The following MIA3 variants were observed in gnomAD, a reference collection of about 807,000 sequenced individuals.
MIA3 encodes transport and Golgi organization protein 1 homolog.
In MIA3, 90 loss-of-function variants were observed where a neutral mutation model predicts 192.4. The observed-to-expected ratio is 0.47, with a 90% CI of 0.39 to 0.56. MIA3 has a LOEUF of 0.56. MIA3 is among the 20% of genes least tolerant of loss of function. The pLI is 0.00. For synonymous variants in MIA3, 740 were observed against 792.8 expected (o/e 0.93, Z 1.12); for missense variants, 2,123 against 2,269.4 (o/e 0.94, Z 1.31).
chr1:222,651,708 C>T (rs376789244), intron 11 of MIA3, among the ~76,000 whole-genome samples: 31 of 150,142 alleles, frequency 2.1e-4, no homozygotes, highest in Middle Eastern at 3.5e-3. Flanking sequence ...AGTTTCTTTT[C>T]TTTCACCTTT....
rs1374537066 is a variant in MIA3 at position 222,628,377 on chromosome 1, C to A, written c.1157C>A (p.Thr386Asn). Reference sequence around the variant, plus strand: ...AATATACTAACAACCTGGGGGGACACTATCTTCTCTATTGTCACAGGAGGT... The same window carrying A: ...AATATACTAACAACCTGGGGGGACAATATCTTCTCTATTGTCACAGGAGGT... ...DKNILTTWGDTIFSIVTGGEE... is the reference protein window; with the variant it reads ...DKNILTTWGDNIFSIVTGGEE... The change falls in exon 4 of 28, where the codon ACT becomes AAT. Residue 386 changes from threonine (T) to asparagine (N), a missense_variant. Physicochemically the swap from Thr to Asn is moderately conservative, Grantham distance 65 (BLOSUM62 0). Transcript: ENST00000344922. 1.2e-6 allele frequency: 2 copies of A among 1,614,032 alleles called. No homozygotes were observed. Among genetic ancestry groups the A allele is most frequent in the Non-Finnish European group, 1.7e-6 (2 of 1,179,986 alleles).
rs1663363189 is a variant in MIA3 at position 222,650,370 on chromosome 1, A to G, written c.3710A>G (p.Tyr1237Cys). Residue 1237 changes from tyrosine (Y) to cysteine (C), a missense_variant, in exon 9 of 28, where the codon TAT (tyrosine) becomes TGT (cysteine). Coordinates refer to ENST00000344922, the MANE Select transcript of MIA3 (RefSeq NM_198551.4). ...NTELVQKLSN[Y>C]EQKIKESKKH... The stretch of plus-strand genomic sequence containing the variant: ...GAACTTGTACAAAAATTGTCAAATT[A>G]TGAACAGAAGGTATGATTATTCTTT... The G allele has an allele frequency of 6.5e-7, 1 of 1,542,472 alleles. No homozygotes were observed. Among genetic ancestry groups the G allele is most frequent in the Non-Finnish European group, 8.9e-7 (1 of 1,119,206 alleles).
At position 222,628,023 on chromosome 1, in the gene MIA3, A is replaced by G; in HGVS notation, c.803A>G (p.Lys268Arg). 1 of 1,614,184 alleles carries G rather than the reference A, an allele frequency of 6.2e-7. No individual in the cohort carries two copies. The change falls in exon 4 of 28, where the codon AAA becomes AGA. Residue 268 changes from lysine to arginine, a missense_variant. Transcript: ENST00000344922. ...QDKIDAYKLL[K>R]KEMTLDLKTK... Reference sequence around the variant, plus strand: ...AAGATTGATGCCTATAAACTTTTGAAAAAAGAAATGACTCTAGACTTGAAA... The same window carrying G: ...AAGATTGATGCCTATAAACTTTTGAGAAAAGAAATGACTCTAGACTTGAAA...
Position 222,628,184 on chromosome 1 carries a change from C to A in MIA3, c.964C>A (p.Gln322Lys). 6.2e-7 allele frequency: 1 copy of A among 1,613,978 alleles called. No homozygotes were observed. The change falls in exon 4 of 28, where the codon CAA becomes AAA. Residue 322 changes from glutamine to lysine, a missense_variant. Transcript: ENST00000344922. The part of the protein sequence containing the change: ...YAVGKEDEEN[Q>K]EDFDELPLLT... ...AGTTGGAAAGGAAGATGAGGAGAAC[C>A]AAGAAGACTTTGATGAGTTGCCATT...
At position 222,665,367 on chromosome 1, in the gene MIA3, A is replaced by G. The variant is rs1664228736; in HGVS notation, c.5472A>G (p.Gly1824=). 1 of 1,614,068 alleles carries G rather than the reference A, an allele frequency of 6.2e-7. No individual in the cohort carries two copies. The highest frequency in any genetic ancestry group is 1.1e-5 in the South Asian group (1 of 91,074). ...AATTTGCACCAGGCGTTCCACCAGG[A>G]AGACGGGACCTGCCTCTCCACCCTC... ...LREFAPGVPP[G]RRDLPLHPRG... The change falls in exon 28 of 28, where the codon GGA becomes GGG. Residue 1824 remains glycine (G), a synonymous_variant. Coordinates refer to ENST00000344922, the MANE Select transcript of MIA3 (RefSeq NM_198551.4).
In MIA3 at chr1:222,665,969, C is replaced by G. The variant is rs1369709054; in HGVS notation, c.*350C>G. 1.2e-5 allele frequency: 2 copies of G among 172,754 alleles called. No homozygotes were observed. The highest frequency in any genetic ancestry group is 4.7e-5 in the African/African-American group (2 of 42,276). 10.7% of individuals were successfully genotyped at this position (172,754 alleles called of 1,614,324 possible). On this transcript the variant is annotated 3_prime_UTR_variant, in exon 28 of 28. Transcript: ENST00000344922. The stretch of plus-strand genomic sequence containing the variant: ...CTTTAAGAACATGTATTTCCATTAT[C>G]CTATTTTTAGTGTACACCAGCTGAA...
intron 6 of MIA3, among the ~76,000 whole-genome samples, chr1:222,640,219 G>T (rs1662792119): frequency 6.6e-6 from 1 of 152,088 alleles, no homozygotes; most frequent in Admixed American, 6.5e-5. Context: ...GATAGACCTT[G>T]TTTATGAGTC....
chr1:222,635,752 T>G (rs1366246839), intron 6 of MIA3, among the ~76,000 whole-genome samples: 1 of 152,198 alleles, frequency 6.6e-6, no homozygotes, highest in Non-Finnish European at 1.5e-5. Flanking sequence ...AGTGGAATCT[T>G]AGGGTTGGAA....
intron 19 of MIA3, 198 bp downstream of exon 19, chr1:222,659,021 T>A (rs1663874082): frequency 2.0e-6 from 1 of 503,412 alleles, no homozygotes; most frequent in East Asian, 3.6e-5. Context: ...GGAACTTGAT[T>A]CGTGCAAACA....
Position 222,627,896 on chromosome 1 carries a change from T to A in MIA3, c.676T>A (p.Ser226Thr). The change falls in exon 4 of 28, where the codon TCA (serine) becomes ACA (threonine). Residue 226 changes from serine (S) to threonine (T), a missense_variant. By Grantham distance (58) the Ser-to-Thr change is moderately conservative. Coordinates refer to ENST00000344922, the MANE Select transcript of MIA3 (RefSeq NM_198551.4). Reference sequence around the variant, plus strand: ...AAATCATGCTCAGGGAGAGCAGGCTTCATTTGAATCTTTTGAAGAAATGCT... The same window carrying A: ...AAATCATGCTCAGGGAGAGCAGGCTACATTTGAATCTTTTGAAGAAATGCT... ...QANHAQGEQASFESFEEMLQD... is the reference protein window; with the variant it reads ...QANHAQGEQATFESFEEMLQD... 5 of 1,614,080 alleles carry A rather than the reference T, an allele frequency of 3.1e-6. No homozygotes were observed. Among genetic ancestry groups the A allele is most frequent in the Non-Finnish European group, 4.2e-6 (5 of 1,180,024 alleles).
intron 2 of MIA3, 111 bp from the exon 3 acceptor site, chr1:222,624,657 A>G: frequency 1.6e-6 from 1 of 628,940 alleles, no homozygotes; most frequent in Non-Finnish European, 2.9e-6. Flanking sequence ...ATTACAAGAA[A>G]AAGTTGATTG....
chr1:222,655,800 C>T (rs929769179), intron 18 of MIA3, among the ~76,000 whole-genome samples: 2 of 152,042 alleles, frequency 1.3e-5, no homozygotes, highest in African/African-American at 4.8e-5. Context: ...ACAGTTAACC[C>T]ATTGATGTGG....
At chr1:222,633,652 G>T (rs191597848) in intron 6 of MIA3, among the ~76,000 whole-genome samples, 1 of 152,174 alleles carries the variant, frequency 6.6e-6, no homozygotes, top group Non-Finnish European at 1.5e-5. Context: ...AATTCGCTGA[G>T]ATATGCTTTA....
chr1:222,648,740 G>T, intron 7 of MIA3, 89 bp from the exon 8 acceptor site: 1 of 790,264 alleles, frequency 1.3e-6, no homozygotes. Flanking sequence ...ATTCTCATTT[G>T]GTTACAATTC....
At position 222,629,177 on chromosome 1, in the gene MIA3, A is replaced by G. The variant is rs1662271923; in HGVS notation, c.1957A>G (p.Arg653Gly). 1 of 1,614,168 alleles carries G rather than the reference A, an allele frequency of 6.2e-7. No individual in the cohort carries two copies. Reference sequence around the variant, plus strand: ...GGAAGACGAGGTTCCCATTCTGGGAAGAAATCTTCCCTGGCAACAAGAAAG... The same window carrying G: ...GGAAGACGAGGTTCCCATTCTGGGAGGAAATCTTCCCTGGCAACAAGAAAG... ...ELEDEVPILG[R>G]NLPWQQERDV... The change falls in exon 4 of 28, where the codon AGA (arginine) becomes GGA (glycine). Residue 653 changes from arginine (R) to glycine (G), a missense_variant. Around this residue, in one of 3 missense-constraint regions of MIA3, gnomAD observed 1,357 missense variants for 1,396.1 expected, o/e 0.97. Transcript: ENST00000344922.
intron 7 of MIA3, among the ~76,000 whole-genome samples, 179 bp from the exon 8 acceptor site, chr1:222,648,650 G>A (rs1437009637): frequency 6.6e-6 from 1 of 152,010 alleles, no homozygotes; most frequent in Non-Finnish European, 1.5e-5. Flanking sequence ...TATCACTACT[G>A]GTTAAATTTG....
chr1:222,658,796 C>T lies in MIA3; in HGVS notation c.4682C>T (p.Ser1561Leu), dbSNP rs750915810. 7.4e-6 allele frequency: 12 copies of T among 1,612,764 alleles called. No homozygotes were observed. Among genetic ancestry groups the T allele is most frequent in the African/African-American group, 4.0e-5 (3 of 74,850 alleles). Residue 1561 changes from serine (S) to leucine (L), a missense_variant, in exon 19 of 28, where the codon TCG (serine) becomes TTG (leucine). Coordinates refer to ENST00000344922, the MANE Select transcript of MIA3 (RefSeq NM_198551.4). The part of the protein sequence containing the change: ...RLSAADEKAV[S>L]AAEEVKTYKR... ...TCAGCTGCAGATGAAAAGGCAGTTT[C>T]GGCTGCAGAGGAAGTAAAAACTTAC...
rs759369745 is a variant in MIA3 at position 222,633,228 on chromosome 1, C to A, written c.3456C>A (p.Phe1152Leu). Residue 1152 changes from phenylalanine to leucine, a missense_variant, in exon 6 of 28, where the codon TTC becomes TTA. Coordinates refer to ENST00000344922, the MANE Select transcript of MIA3 (RefSeq NM_198551.4). ...ACGCAATCCTTCTAATATATTCATT[C>A]ATGTTTTATTTAACTAAGTCGGTAA... The part of the protein sequence containing the change: ...LENAILLIYS[F>L]MFYLTKSLVA... The A allele has an allele frequency of 4.2e-5, 68 of 1,606,750 alleles. No individual in the cohort carries two copies. The South Asian group carries it at 7.3e-4, about 17-fold the overall frequency.
chr1:222,622,307 C>T (rs1484864615), intron 2 of MIA3, among the ~76,000 whole-genome samples: 1 of 152,128 alleles, frequency 6.6e-6, no homozygotes, highest in Non-Finnish European at 1.5e-5. Flanking sequence ...AGAGGCCTGT[C>T]TTATGAGTTA....
Sources: allele counts gnomAD v4.1 joint callset (sites outside exome capture counted in the v4.1 genomes callset), GRCh38; gene constraint gnomAD v4.1.1; regional missense constraint gnomAD v4.1.1; transcripts MANE v1.5; gene names NCBI Gene and HGNC (gene_info 2026-07-23, HGNC 2026-07-21).